Variants in RSU1 observed in about 807,000 individuals in gnomAD.
The protein encoded by RSU1 is rsu-1.
Under a neutral mutation model 31.1 loss-of-function variants are expected in RSU1, and 26 were observed. The ratio of observed to expected loss-of-function variants is 0.84; its 90% confidence interval spans 0.61 to 1.16. RSU1 has a LOEUF of 1.16. Among genes scored for constraint, RSU1 ranks in the 50% most tolerant of loss-of-function variants. The pLI, the probability that RSU1 is intolerant of heterozygous loss-of-function variation, is 0.00. For synonymous variants in RSU1, 164 were observed against 136.3 expected, an observed-to-expected ratio of 1.20 and a Z score of -1.41; for missense variants, 320 against 339.1, an observed-to-expected ratio of 0.94 and a Z score of 0.44.
Position 16,695,892 on chromosome 10 carries a change from T to G in RSU1, c.599-737A>C, listed in dbSNP as rs556261749. ...CCTTCTACAGTGTCTGGTGAGGCCA[T>G]CAGGTTACATATCAATTTAGATAAG... On this transcript the variant is annotated intron_variant, in intron 7 of 8. Coordinates refer to ENST00000345264, the MANE Select transcript of RSU1 (RefSeq NM_012425.4). Among the ~76,000 whole-genome samples, 22 of 152,272 alleles carry G rather than the reference T, an allele frequency of 1.4e-4. No individual in the cohort carries two copies. In the South Asian group the frequency reaches 4.4e-3, roughly 30 times the overall value.
chr10:16,594,633 T>C (rs933037493), intron 8 of RSU1, among the ~76,000 whole-genome samples: 10 of 142,968 alleles, frequency 7.0e-5, no homozygotes, highest in African/African-American at 2.7e-4. Flanking sequence ...ATATGATAGA[T>C]AATATGATAT....
At chr10:16,652,578 T>G (rs981620784) in intron 8 of RSU1, among the ~76,000 whole-genome samples, 1 of 152,038 alleles carries the variant, frequency 6.6e-6, no homozygotes, top group African/African-American at 2.4e-5. Context: ...ACACACACGG[T>G]CTGTACAAAT....
intron 8 of RSU1, among the ~76,000 whole-genome samples, chr10:16,633,632 G>T (rs186259054): frequency 8.8e-4 from 134 of 152,202 alleles, no homozygotes; most frequent in African/African-American, 3.0e-3. Flanking sequence ...GGTCACTGGG[G>T]GTATTCAAGC....
chr10:16,618,909 G>C (rs72782548), intron 8 of RSU1, among the ~76,000 whole-genome samples: 6,304 of 152,214 alleles, frequency 0.041, 167 homozygotes, highest in Non-Finnish European at 0.066. Flanking sequence ...ATGGTTCATA[G>C]GTGTGGCAAA....
At chr10:16,643,339 A>G (rs1834478190) in intron 8 of RSU1, among the ~76,000 whole-genome samples, 1 of 152,218 alleles carries the variant, frequency 6.6e-6, no homozygotes, top group Non-Finnish European at 1.5e-5. Flanking sequence ...TGAAGATGTA[A>G]AAGTTATTTT....
intron 7 of RSU1, chr10:16,727,230 T>C (rs1164940249): frequency 2.3e-6 from 1 of 430,726 alleles, no homozygotes; most frequent in African/African-American, 2.0e-5. Flanking sequence ...TCCGCCTGGC[T>C]GCATCTTTTG....
chr10:16,685,818 C>T (rs577946099), intron 8 of RSU1, among the ~76,000 whole-genome samples: 6 of 152,252 alleles, frequency 3.9e-5, no homozygotes, highest in African/African-American at 1.2e-4. Flanking sequence ...AAGATGGAGT[C>T]GCTCTGGTTC....
intron 2 of RSU1, among the ~76,000 whole-genome samples, chr10:16,792,263 G>A (rs1837936666): frequency 6.6e-6 from 1 of 152,156 alleles, no homozygotes; most frequent in Non-Finnish European, 1.5e-5. Context: ...TTGAAACAGA[G>A]TCTCACTGTC....
intron 8 of RSU1, among the ~76,000 whole-genome samples, chr10:16,626,959 A>G (rs1834169219): frequency 1.3e-5 from 2 of 152,246 alleles, no homozygotes; most frequent in African/African-American, 4.8e-5. Context: ...ATTTGTGCCT[A>G]GAACCTAAAT....
At chr10:16,805,537 G>T (rs1020939063) in intron 2 of RSU1, among the ~76,000 whole-genome samples, 5 of 151,582 alleles carry the variant, frequency 3.3e-5, no homozygotes, top group Non-Finnish European at 7.4e-5. Context: ...TTAGCCAGGC[G>T]TTGTGGCGGG....
chr10:16,802,288 T>G (rs965043966), intron 2 of RSU1, among the ~76,000 whole-genome samples: 3 of 151,642 alleles, frequency 2.0e-5, no homozygotes, highest in African/African-American at 7.3e-5. Context: ...AAAGTAACAT[T>G]ATAAACAACT....
chr10:16,695,293 T>C, intron 7 of RSU1, 138 bp from the exon 8 acceptor site: 1 of 752,114 alleles, frequency 1.3e-6, no homozygotes, highest in Non-Finnish European at 2.0e-6. Context: ...GTCTTTTAAA[T>C]TTCTTAACCC....
intron 2 of RSU1, among the ~76,000 whole-genome samples, chr10:16,795,920 G>A (rs7098479): frequency 6.6e-6 from 1 of 152,040 alleles, no homozygotes; most frequent in Non-Finnish European, 1.5e-5. Flanking sequence ...TCCATTCTCC[G>A]CTTGAGCAGC....
chr10:16,643,703 C>T (rs7093918), intron 8 of RSU1, among the ~76,000 whole-genome samples: 100,099 of 151,744 alleles, frequency 0.66, 34,445 homozygotes, highest in African/African-American at 0.85. Context: ...ATCTACATAA[C>T]AGACTTGGAA....
intron 8 of RSU1, among the ~76,000 whole-genome samples, chr10:16,650,270 G>A (rs1248297617): frequency 6.6e-6 from 1 of 152,174 alleles, no homozygotes; most frequent in Non-Finnish European, 1.5e-5. Context: ...GGTTCATGGG[G>A]TCTCATTAAT....
intron 7 of RSU1, among the ~76,000 whole-genome samples, chr10:16,715,040 G>T (rs1035268687): frequency 2.0e-5 from 3 of 152,216 alleles, no homozygotes; most frequent in African/African-American, 7.2e-5. Context: ...CTCCACTGGG[G>T]GAGACTGTGG....
intron 7 of RSU1, among the ~76,000 whole-genome samples, chr10:16,706,244 T>C (rs956088562): frequency 7.1e-4 from 108 of 152,318 alleles, no homozygotes; most frequent in African/African-American, 2.4e-3. Flanking sequence ...TGCTCAAGGG[T>C]TCCCAACCTC....
intron 8 of RSU1, among the ~76,000 whole-genome samples, chr10:16,620,714 G>T (rs913140349): frequency 9.2e-5 from 14 of 152,066 alleles, no homozygotes; most frequent in Middle Eastern, 3.2e-3. Flanking sequence ...GTGTGGTGAT[G>T]GGTGCCTGTA....
intron 2 of RSU1, among the ~76,000 whole-genome samples, chr10:16,809,409 C>A (rs921742): frequency 0.13 from 19,082 of 152,056 alleles, 1,645 homozygotes; most frequent in East Asian, 0.31. Flanking sequence ...CAGAACCTGG[C>A]GAATGAAGGT....
Sources: gnomAD v4.1 joint callset for allele counts (sites outside exome capture counted in the v4.1 genomes callset) on GRCh38, gnomAD v4.1.1 for gene constraint, MANE v1.5 for transcripts, NCBI Gene and HGNC (gene_info 2026-07-23, HGNC 2026-07-21) for gene names.